The following PDE4B variants were observed in gnomAD, a reference collection of about 807,000 sequenced individuals.
PDE4B encodes 3',5'-cyclic-AMP phosphodiesterase 4B.
A neutral mutation model predicts 82.2 loss-of-function variants in PDE4B; 20 were observed. The observed-to-expected ratio is 0.24, with a 90% CI of 0.17 to 0.35. The LOEUF (loss-of-function observed/expected upper bound fraction) is 0.35, where lower values mean the gene tolerates loss of function less well. Among genes scored for constraint, PDE4B ranks in the 10% least tolerant of loss-of-function variants. The pLI, the probability that PDE4B is intolerant of heterozygous loss-of-function variation, is 1.00. For synonymous variants in PDE4B, 320 were observed against 318.9 expected (o/e 1.00, Z -0.04); for missense variants, 655 against 907.2 (o/e 0.72, Z 3.57).
chr1:65,932,985 T>C (rs753473543), intron 3 of PDE4B, among the ~76,000 whole-genome samples: 3 of 152,182 alleles, frequency 2.0e-5, no homozygotes, highest in Non-Finnish European at 4.4e-5. Flanking sequence ...GTGCACATTA[T>C]AGGAGTTCTT....
At chr1:66,204,936 C>A (rs138891988) in intron 3 of PDE4B, among the ~76,000 whole-genome samples, 469 of 152,318 alleles carry the variant, frequency 3.1e-3, no homozygotes, top group Non-Finnish European at 5.2e-3. Flanking sequence ...TCTTCTGTGT[C>A]GCTCATGCTG....
intron 3 of PDE4B, among the ~76,000 whole-genome samples, chr1:65,981,744 A>C (rs1650701042): frequency 2.0e-5 from 3 of 152,170 alleles, no homozygotes; most frequent in Admixed American, 6.6e-5. Flanking sequence ...TAATGTGATG[A>C]TAATGTATAT....
chr1:65,793,640 A>G (rs1320832674), intron 1 of PDE4B, among the ~76,000 whole-genome samples: 6 of 152,076 alleles, frequency 3.9e-5, no homozygotes, highest in Non-Finnish European at 4.4e-5. Context: ...GCGGAAGGGA[A>G]CCTGAACTAC....
At chr1:66,134,582 C>T (rs918328776) in intron 3 of PDE4B, among the ~76,000 whole-genome samples, 1 of 152,146 alleles carries the variant, frequency 6.6e-6, no homozygotes, top group Non-Finnish European at 1.5e-5. Flanking sequence ...CATAGGTACA[C>T]GTTCCTTGCT....
At chr1:66,189,089 A>G (rs1422568764) in intron 3 of PDE4B, among the ~76,000 whole-genome samples, 1 of 151,778 alleles carries the variant, frequency 6.6e-6, no homozygotes, top group South Asian at 2.1e-4. Flanking sequence ...TCCTTCACTT[A>G]TGAAGCTTAG....
chr1:65,805,518 G>A (rs1302100033), intron 1 of PDE4B, among the ~76,000 whole-genome samples: 1 of 152,122 alleles, frequency 6.6e-6, no homozygotes, highest in Non-Finnish European at 1.5e-5. Flanking sequence ...AATAGTATCT[G>A]CAGTACAATC....
At chr1:65,980,917 A>G (rs1650649908) in intron 3 of PDE4B, among the ~76,000 whole-genome samples, 1 of 152,168 alleles carries the variant, frequency 6.6e-6, no homozygotes, top group African/African-American at 2.4e-5. Flanking sequence ...AAATTTTCTA[A>G]ATTACCAAAA....
intron 3 of PDE4B, among the ~76,000 whole-genome samples, chr1:65,923,014 C>A (rs1343973096): frequency 2.0e-5 from 3 of 152,066 alleles, no homozygotes; most frequent in African/African-American, 7.2e-5. Context: ...CCCCCTCCCC[C>A]ACAAAAATCT....
chr1:65,894,035 T>C (rs1163383319), intron 1 of PDE4B, among the ~76,000 whole-genome samples: 2 of 151,952 alleles, frequency 1.3e-5, no homozygotes, highest in African/African-American at 2.4e-5. Context: ...GACTACATAT[T>C]GGGCACAGTG....
At chr1:66,131,590 C>CATATATAT (rs1645944622) in intron 3 of PDE4B, among the ~76,000 whole-genome samples, 2 of 15,952 alleles carry the variant, frequency 1.3e-4, no homozygotes. Context: ...TTCTGAATGC[C>CATATATAT]AGATATATAT....
intron 3 of PDE4B, among the ~76,000 whole-genome samples, chr1:66,142,790 C>G (rs1646198530): frequency 6.6e-6 from 1 of 152,142 alleles, no homozygotes; most frequent in South Asian, 2.1e-4. Context: ...TATCTGTCCA[C>G]ATTTGGTAAT....
chr1:65,904,436 C>G (rs547545033), intron 1 of PDE4B, among the ~76,000 whole-genome samples: 19 of 152,232 alleles, frequency 1.2e-4, no homozygotes, highest in African/African-American at 4.3e-4. Flanking sequence ...TTTATACACA[C>G]AATTTACGTT....
chr1:66,168,260 C>T (rs982931549), intron 3 of PDE4B, among the ~76,000 whole-genome samples: 5 of 152,102 alleles, frequency 3.3e-5, no homozygotes, highest in African/African-American at 1.2e-4. Flanking sequence ...ATACAGAAAT[C>T]CTCTTTCTCC....
intron 8 of PDE4B, among the ~76,000 whole-genome samples, chr1:66,340,043 A>C (rs959936367): frequency 1.3e-5 from 2 of 152,220 alleles, no homozygotes; most frequent in Non-Finnish European, 2.9e-5. Context: ...TTACTAAACA[A>C]GAAGATGCCA....
chr1:65,925,721 G>A, intron 3 of PDE4B, among the ~76,000 whole-genome samples: 1 of 152,146 alleles, frequency 6.6e-6, no homozygotes, highest in Non-Finnish European at 1.5e-5. Context: ...AAATGTCATT[G>A]AAACATTATT....
chr1:66,138,165 A>G (rs1646096435), intron 3 of PDE4B, among the ~76,000 whole-genome samples: 1 of 152,208 alleles, frequency 6.6e-6, no homozygotes, highest in Admixed American at 6.5e-5. Flanking sequence ...GGAAAGCAAA[A>G]GGAAAACATG....
chr1:65,832,339 A>G (rs544548827), intron 1 of PDE4B, among the ~76,000 whole-genome samples: 9 of 152,344 alleles, frequency 5.9e-5, no homozygotes, highest in African/African-American at 2.2e-4. Context: ...TTTTGGCTAA[A>G]GATAAAAAAA....
chr1:65,996,402 T>A (rs552230081), intron 3 of PDE4B, among the ~76,000 whole-genome samples: 42 of 152,098 alleles, frequency 2.8e-4, no homozygotes, highest in Middle Eastern at 6.8e-3. Flanking sequence ...AGAGCCTGCA[T>A]GAATCTGAAG....
intron 7 of PDE4B, among the ~76,000 whole-genome samples, chr1:66,268,590 C>T (rs1281926970): frequency 7.1e-6 from 1 of 140,978 alleles, no homozygotes; most frequent in African/African-American, 2.7e-5. Flanking sequence ...ATCTCTTGAA[C>T]CTGGGAGGCG....
Sources: gnomAD v4.1 joint callset for allele counts (sites outside exome capture counted in the v4.1 genomes callset) on GRCh38, gnomAD v4.1.1 for gene constraint, MANE v1.5 for transcripts, NCBI Gene and HGNC (gene_info 2026-07-23, HGNC 2026-07-21) for gene names.